Variants in CACTIN observed in about 807,000 individuals in gnomAD.
The protein encoded by CACTIN is splicing factor Cactin.
CACTIN carries 20 observed loss-of-function variants against 84.9 expected under a neutral mutation model. The observed-to-expected ratio is 0.24, with a 90% CI of 0.17 to 0.34. The LOEUF is 0.34. Ranked by LOEUF, CACTIN falls within the 10% of genes least tolerant of loss-of-function variation. CACTIN has a pLI of 1.00. For synonymous variants in CACTIN, 549 were observed against 467.9 expected (o/e 1.17, Z -2.24); for missense variants, 897 against 1,117.2 (o/e 0.80, Z 2.81).
At chr19:3,618,182 G>GGC (rs2033146474) in intron 6 of CACTIN, among the ~76,000 whole-genome samples, 1 of 146,024 alleles carries the variant, frequency 6.8e-6, no homozygotes, top group Non-Finnish European at 1.5e-5. Flanking sequence ...TAGACCGGGG[G>GGC]GGGGGGGGGT....
intron 2 of CACTIN, 102 bp from the exon 3 acceptor site, chr19:3,620,904 A>C: frequency 1.1e-6 from 1 of 904,660 alleles, no homozygotes; most frequent in Middle Eastern, 2.1e-4. Flanking sequence ...TGTTTTGCAG[A>C]GAGAGGTGAC....
At chr19:3,622,116 A>G (rs879518163) in intron 2 of CACTIN, among the ~76,000 whole-genome samples, 1 of 152,148 alleles carries the variant, frequency 6.6e-6, no homozygotes, top group Non-Finnish European at 1.5e-5. Context: ...CTGTAATCCC[A>G]GCATATTGGG....
intron 1 of CACTIN, among the ~76,000 whole-genome samples, chr19:3,624,766 G>A (rs1049728030): frequency 6.6e-6 from 1 of 152,138 alleles, no homozygotes; most frequent in Non-Finnish European, 1.5e-5. Flanking sequence ...TAGTCCCACA[G>A]GATGGACAGG....
chr19:3,626,587 C>A lies in CACTIN; in HGVS notation c.167+9G>T, dbSNP rs2033340669. On this transcript the variant is annotated intron_variant, in intron 1 of 9. Transcript: ENST00000429344. ...CGGATCCCCAGCGCTGCTCCCGCAGCGACCCCACCTGCGCTCCCGGCTCCG... is the reference window on the plus strand; with the variant it reads ...CGGATCCCCAGCGCTGCTCCCGCAGAGACCCCACCTGCGCTCCCGGCTCCG... 2 of 1,438,036 alleles carry A rather than the reference C, an allele frequency of 1.4e-6. No individual in the cohort carries two copies. The highest frequency in any genetic ancestry group is 2.8e-5 in the South Asian group (2 of 70,556). The allele number at this position is 1,438,036 out of a possible 1,614,324, so 89.1% of individuals were successfully genotyped here. A position where few individuals can be genotyped will look rare whatever the true frequency, so the allele number is the denominator to read the frequency against.
At chr19:3,623,230 G>GT (rs2033260965) in intron 2 of CACTIN, among the ~76,000 whole-genome samples, 2 of 152,028 alleles carry the variant, frequency 1.3e-5, no homozygotes, top group African/African-American at 4.8e-5. Context: ...GCGAGACCCT[G>GT]AGTCAAAAAA....
At chr19:3,620,528 G>T in intron 3 of CACTIN, 179 bp downstream of exon 3, 1 of 658,406 alleles carries the variant, frequency 1.5e-6, no homozygotes, top group Admixed American at 2.7e-5. Flanking sequence ...GAGGCCAGCA[G>T]AGCCGAGAGG....
chr19:3,613,012 G>A lies in CACTIN; in HGVS notation c.1786+46C>T, dbSNP rs1384310840. The A allele has an allele frequency of 3.4e-6, 5 of 1,467,402 alleles. No individual in the cohort carries two copies. The African/African-American group carries it at 5.6e-5, about 16-fold the overall frequency. The allele number at this position is 1,467,402 out of a possible 1,614,324, so 90.9% of individuals were successfully genotyped here. A position where few individuals can be genotyped will look rare whatever the true frequency, so the allele number is the denominator to read the frequency against. ...TGAGGCTGGAGAAGCCCCGCCCCCA[G>A]CTCGCCCCACTGGCCCCACCCCCTG... On this transcript the variant is annotated intron_variant, in intron 9 of 9. Transcript: ENST00000429344.
intron 2 of CACTIN, among the ~76,000 whole-genome samples, chr19:3,621,902 T>C (rs1255659459): frequency 6.6e-6 from 1 of 152,152 alleles, no homozygotes; most frequent in Non-Finnish European, 1.5e-5. Context: ...AGAAGCCACC[T>C]GGAGACCCCA....
intron 1 of CACTIN, among the ~76,000 whole-genome samples, chr19:3,624,952 A>G (rs1033093306): frequency 6.6e-6 from 1 of 152,130 alleles, no homozygotes; most frequent in Admixed American, 6.5e-5. Flanking sequence ...GCTGGAGTGC[A>G]TGATCAGAGC....
Position 3,613,214 on chromosome 19 carries a change from C to T in CACTIN, c.1630G>A (p.Glu544Lys), listed in dbSNP as rs776939629. 1.9e-6 allele frequency: 3 copies of T among 1,611,424 alleles called. No homozygotes were observed. The highest frequency in any genetic ancestry group is 1.3e-5 in the African/African-American group (1 of 74,890). ...TCCAGGCTCTGCTGGATCAGGTCCT[C>T]CTCCATGAGCACCGCCTCGCCCTCG... ...EGEGEAVLME[E>K]DLIQQSLDDY... The change falls in exon 9 of 10, where the codon GAG becomes AAG. Residue 544 changes from glutamate (E) to lysine (K), a missense_variant. Glu to Lys is a moderately conservative substitution (Grantham distance 56). Around this residue, in one of 8 missense-constraint regions of CACTIN, gnomAD observed 243 missense variants for 239.9 expected, o/e 1.01. Coordinates refer to ENST00000429344, the MANE Select transcript of CACTIN (RefSeq NM_001080543.2).
rs1327998299 is a variant in CACTIN, at chr19:3,618,134, T to G, written c.1162+741A>C. ...TTACAGCAGCCGCTGGGGCGTGGATTTTGGCGGGGAGGGGGCAGGGCTGCT... is the reference window on the plus strand; with the variant it reads ...TTACAGCAGCCGCTGGGGCGTGGATGTTGGCGGGGAGGGGGCAGGGCTGCT... On this transcript the variant is annotated intron_variant, in intron 6 of 9. Coordinates refer to ENST00000429344, the MANE Select transcript of CACTIN (RefSeq NM_001080543.2). Among the ~76,000 whole-genome samples, 6 of 124,286 alleles carry G rather than the reference T, an allele frequency of 4.8e-5. No individual in the cohort carries two copies. The South Asian group carries it at 1.7e-3, about 34-fold the overall frequency. 81.5% of individuals were successfully genotyped at this position (124,286 alleles called of 152,430 possible).
chr19:3,618,586 G>A (rs1233527721), intron 6 of CACTIN, among the ~76,000 whole-genome samples: 1 of 152,240 alleles, frequency 6.6e-6, no homozygotes, highest in Non-Finnish European at 1.5e-5. Context: ...AAACCTGAGC[G>A]GAAAGCCCCG....
intron 6 of CACTIN, 137 bp downstream of exon 6, chr19:3,618,738 G>T: frequency 1.5e-6 from 1 of 687,088 alleles, no homozygotes; most frequent in South Asian, 1.9e-5. Context: ...CTGGTGGCTC[G>T]GCCCAGAAGG....
intron 1 of CACTIN, among the ~76,000 whole-genome samples, chr19:3,624,597 G>A (rs2033296363): frequency 6.6e-6 from 1 of 152,102 alleles, no homozygotes; most frequent in Admixed American, 6.5e-5. Context: ...ACAACAAGGA[G>A]GCTGTATGGC....
At position 3,614,596 on chromosome 19, in the gene CACTIN, C is replaced by T. The variant is rs530528648; in HGVS notation, c.1163-7G>A. The stretch of plus-strand genomic sequence containing the variant: ...ACCCCCTCGCGGCGCTCACCTGCAG[C>T]GGGGTGGGGGCATGGGGGGGCGGTT... On this transcript the variant is annotated splice_polypyrimidine_tract_variant and splice_region_variant and intron_variant, in intron 6 of 9. Coordinates refer to ENST00000429344, the MANE Select transcript of CACTIN (RefSeq NM_001080543.2). 5.1e-4 allele frequency: 819 copies of T among 1,593,150 alleles called. 18 individuals carry two copies. The South Asian group carries it at 7.1e-3, about 14-fold the overall frequency.
At chr19:3,619,727 G>T (rs975855357) in intron 4 of CACTIN, among the ~76,000 whole-genome samples, 1 of 152,118 alleles carries the variant, frequency 6.6e-6, no homozygotes, top group African/African-American at 2.4e-5. Context: ...AAGGGAACCC[G>T]TCACCAGGGA....
chr19:3,613,140 C>A lies in CACTIN; in HGVS notation c.1704G>T (p.Glu568Asp), dbSNP rs776025793. Residue 568 changes from glutamate (E) to aspartate (D), a missense_variant, in exon 9 of 10, where the codon GAG (glutamate) becomes GAT (aspartate). Transcript: ENST00000429344. ...RYSPRLLTAHELPLDAHVLEP... is the reference protein window; with the variant it reads ...RYSPRLLTAHDLPLDAHVLEP... The stretch of plus-strand genomic sequence containing the variant: ...CCAGCACGTGCGCGTCCAGTGGCAG[C>A]TCGTGCGCCGTGAGCAGCCGCGGGC... 2.5e-5 allele frequency: 40 copies of A among 1,607,852 alleles called. No homozygotes were observed. The highest frequency in any genetic ancestry group is 3.3e-5 in the Non-Finnish European group (39 of 1,178,950).
At chr19:3,618,430 G>T (rs2033152546) in intron 6 of CACTIN, among the ~76,000 whole-genome samples, 1 of 152,338 alleles carries the variant, frequency 6.6e-6, no homozygotes, top group South Asian at 2.1e-4. Context: ...ACGGAGGGGG[G>T]GGAAACGTGA....
intron 9 of CACTIN, chr19:3,612,673 CAGG>C: frequency 2.8e-6 from 2 of 710,930 alleles, no homozygotes; most frequent in East Asian, 2.7e-5. Context: ...CGCCGAGCGA[CAGG>C]AGAACCTGGT....
Sources: gnomAD v4.1 joint callset for allele counts (sites outside exome capture counted in the v4.1 genomes callset) on GRCh38, gnomAD v4.1.1 for gene constraint, gnomAD v4.1.1 regional missense constraint, MANE v1.5 for transcripts, NCBI Gene and HGNC (gene_info 2026-07-23, HGNC 2026-07-21) for gene names.